Variants in KCNQ1 observed in about 807,000 individuals in gnomAD.
The protein encoded by KCNQ1 is potassium voltage-gated channel subfamily KQT member 1.
Under a neutral mutation model 72.4 loss-of-function variants are expected in KCNQ1, and 49 were observed. That is an observed-to-expected ratio of 0.68 (90% CI 0.54 to 0.86). The LOEUF (loss-of-function observed/expected upper bound fraction) is 0.86. KCNQ1 is among the 40% of genes least tolerant of loss of function. The pLI, the probability that KCNQ1 is intolerant of heterozygous loss-of-function variation, is 0.00. For synonymous variants in KCNQ1, 450 were observed against 412.6 expected, an observed-to-expected ratio of 1.09 and a Z score of -1.10; for missense variants, 790 against 945.1, an observed-to-expected ratio of 0.84 and a Z score of 2.15.
At chr11:2,634,005 T>A (rs1244210884) in intron 10 of KCNQ1, 2 of 398,550 alleles carry the variant, frequency 5.0e-6, no homozygotes. Flanking sequence ...TGTATTTTGA[T>A]GTCAGGCAGT....
At chr11:2,610,716 C>CTTTTTTTTTTTTTTTTTTT (rs1167505141) in intron 10 of KCNQ1, 13 of 230,182 alleles carry the variant, frequency 5.6e-5, no homozygotes, top group African/African-American at 1.9e-4. Context: ...TCTTGGTTGG[C>CTTTTTTTTTTTTTTTTTTT]TTTTTTTTTT....
chr11:2,571,335 G>A lies in KCNQ1; in HGVS notation c.615G>A (p.Val205=), dbSNP rs1365907442. The A allele has an allele frequency of 6.2e-7, 1 of 1,613,160 alleles. No homozygotes were observed. The highest frequency in any genetic ancestry group is 8.5e-7 in the Non-Finnish European group (1 of 1,179,936). Residue 205 remains valine, a synonymous_variant, in exon 4 of 16, where the codon GTG becomes GTA. Transcript: ENST00000155840. The stretch of plus-strand genomic sequence containing the variant: ...TCCTGCACTCCACAGACCTCATCGT[G>A]GTCGTGGCCTCCATGGTGGTCCTCT... ...RKPISIIDLI[V]VVASMVVLCV... is the part of the protein sequence containing the mutation.
rs1847726735 is a variant in KCNQ1, at chr11:2,536,063, A to C, written c.477+8045A>C. On this transcript the variant is annotated intron_variant, in intron 2 of 15. Coordinates refer to ENST00000155840, the MANE Select transcript of KCNQ1 (RefSeq NM_000218.3). This position sits in a 1 kb window ranked among gnomAD's most constrained non-coding sequence, Gnocchi z 7.4. ...GCCTCACTGGCCACATGCTCTGCCG[A>C]GCACACCCGCTGCTGTCCCCAGCCA... 6.6e-6 allele frequency among the ~76,000 whole-genome samples: 1 copy of C among 152,092 alleles called. No individual in the cohort carries two copies. Among genetic ancestry groups the C allele is most frequent in the African/African-American group, 2.4e-5 (1 of 41,428 alleles).
At chr11:2,629,018 A>G (rs560868633) in intron 10 of KCNQ1, 1 of 398,292 alleles carries the variant, frequency 2.5e-6, no homozygotes, top group Admixed American at 4.4e-5. Context: ...CAAAATAAGC[A>G]TGTGTAATAT....
At chr11:2,702,330 C>G (rs1850829502) in intron 11 of KCNQ1, among the ~76,000 whole-genome samples, 1 of 152,236 alleles carries the variant, frequency 6.6e-6, no homozygotes, top group African/African-American at 2.4e-5. Context: ...CTCCTTCAGT[C>G]CTCGCTCTTG....
chr11:2,770,216 T>C (rs775189074), intron 12 of KCNQ1, among the ~76,000 whole-genome samples: 1 of 152,018 alleles, frequency 6.6e-6, no homozygotes, highest in Non-Finnish European at 1.5e-5. Flanking sequence ...CCCCCACCCA[T>C]CTGGGCCCTG....
intron 10 of KCNQ1, among the ~76,000 whole-genome samples, chr11:2,589,935 G>C (rs1848649534): frequency 6.6e-6 from 1 of 152,160 alleles, no homozygotes; most frequent in South Asian, 2.1e-4. Context: ...TGAGGGGCTG[G>C]AGACCTCCTG....
chr11:2,636,453 T>C (rs1412108781), intron 10 of KCNQ1: 5 of 152,214 alleles, frequency 3.3e-5, no homozygotes, highest in Non-Finnish European at 5.9e-5. Context: ...CATGTGGTTT[T>C]TGTCTTTGGT....
chr11:2,527,833 G>C, intron 1 of KCNQ1, 95 bp from the exon 2 acceptor site: 1 of 1,011,436 alleles, frequency 9.9e-7, no homozygotes, highest in Non-Finnish European at 1.6e-6. Context: ...TCCTACCTGG[G>C]GGCGGGGCTG....
At chr11:2,476,374 T>C (rs1170641019) in intron 1 of KCNQ1, among the ~76,000 whole-genome samples, 3 of 152,330 alleles carry the variant, frequency 2.0e-5, no homozygotes, top group Non-Finnish European at 2.9e-5. Context: ...TACTGTGTAA[T>C]AGATCTGAAC....
At chr11:2,697,085 T>A (rs1472329344) in intron 11 of KCNQ1, 1 of 398,488 alleles carries the variant, frequency 2.5e-6, no homozygotes, top group African/African-American at 2.1e-5. Flanking sequence ...CTCGACATTA[T>A]TTGCCTTTTC....
At chr11:2,754,730 C>G (rs1286307074) in intron 11 of KCNQ1, among the ~76,000 whole-genome samples, 1 of 152,176 alleles carries the variant, frequency 6.6e-6, no homozygotes, top group African/African-American at 2.4e-5. Flanking sequence ...ATGTTAAAAG[C>G]AAACCTTAAA....
chr11:2,646,552 G>T, intron 10 of KCNQ1: 1 of 398,602 alleles, frequency 2.5e-6, no homozygotes, highest in Non-Finnish European at 4.4e-6. Flanking sequence ...TGCAGACAGG[G>T]TCTCACTCTG....
At chr11:2,705,638 C>T (rs1469933038) in intron 11 of KCNQ1, among the ~76,000 whole-genome samples, 1 of 152,212 alleles carries the variant, frequency 6.6e-6, no homozygotes, top group East Asian at 1.9e-4. Context: ...ACAGCTGCCC[C>T]CCAGCCAAGA....
In KCNQ1 at chr11:2,766,618, C is replaced by T. The variant is rs931384706; in HGVS notation, c.1515-2226C>T. ...AATTAATCACAGTCTGCCCTCTGGC[C>T]ATAACTTTTCGCATTCTCCCCTATG... On this transcript the variant is annotated intron_variant, in intron 11 of 15. Transcript: ENST00000155840. This position sits in a 1 kb window ranked among gnomAD's most constrained non-coding sequence, Gnocchi z 4.4. 6.6e-6 allele frequency among the ~76,000 whole-genome samples: 1 copy of T among 152,132 alleles called. No homozygotes were observed. Among genetic ancestry groups the T allele is most frequent in the African/African-American group, 2.4e-5 (1 of 41,426 alleles).
rs555518358 is a variant in KCNQ1, at chr11:2,775,956, G to T, written c.1591-4G>T. On this transcript the variant is annotated splice_polypyrimidine_tract_variant and splice_region_variant and intron_variant, in intron 12 of 15. Coordinates refer to ENST00000155840, the MANE Select transcript of KCNQ1 (RefSeq NM_000218.3). ...GAAGTGATGCGTGTCTTTTTGTCCC[G>T]CAGCAAGCGCGGAAGCCTTACGATG... is the stretch of plus-strand genomic sequence containing the variant. 5 of 1,554,846 alleles carry T rather than the reference G, an allele frequency of 3.2e-6. No homozygotes were observed. Among genetic ancestry groups the T allele is most frequent in the Non-Finnish European group, 3.5e-6 (4 of 1,148,792 alleles).
At position 2,787,811 on chromosome 11, in the gene KCNQ1, A is replaced by G. The variant is rs1362535502; in HGVS notation, c.1794+9774A>G. Among the ~76,000 whole-genome samples the G allele has an allele frequency of 2.6e-5, 4 of 152,228 alleles. No homozygotes were observed. The highest frequency in any genetic ancestry group is 9.6e-5 in the African/African-American group (4 of 41,452). On this transcript the variant is annotated intron_variant, in intron 15 of 15. Transcript: ENST00000155840. This position sits in a 1 kb window ranked among gnomAD's most constrained non-coding sequence, Gnocchi z 6.3. The stretch of plus-strand genomic sequence containing the variant: ...TTGAAAAAGGAGATTCCCATGCCTA[A>G]GTCATTTCAAACATACTGAAGGGTT...
At position 2,711,023 on chromosome 11, in the gene KCNQ1, G is replaced by T. The variant is rs1005160994; in HGVS notation, c.1514+48942G>T. On this transcript the variant is annotated intron_variant, in intron 11 of 15. Transcript: ENST00000155840. The surrounding 1 kb of genome is among the most constrained non-coding windows in gnomAD (Gnocchi z 5.4). The stretch of plus-strand genomic sequence containing the variant: ...CAATTTCTGCAAAGAAACCATCTGG[G>T]ATACCAATAGGGATTGCATTGAATC... 2.6e-5 allele frequency among the ~76,000 whole-genome samples: 4 copies of T among 152,298 alleles called. No homozygotes were observed. The highest frequency in any genetic ancestry group is 9.6e-5 in the African/African-American group (4 of 41,566).
In KCNQ1 at chr11:2,491,310, T is replaced by C. The variant is rs1409625801; in HGVS notation, c.387-36618T>C. On this transcript the variant is annotated intron_variant, in intron 1 of 15. Transcript: ENST00000155840. The surrounding 1 kb of genome is among the most constrained non-coding windows in gnomAD (Gnocchi z 4.1). ...TATGTGACCTTTCAGAGAGAGAATT[T>C]AAAATAGCTGTTATGAGAAAACTCA... Among the ~76,000 whole-genome samples the C allele has an allele frequency of 3.3e-5, 5 of 152,194 alleles. No homozygotes were observed. Among genetic ancestry groups the C allele is most frequent in the Non-Finnish European group, 7.3e-5 (5 of 68,036 alleles).
Sources: allele counts gnomAD v4.1 joint callset (sites outside exome capture counted in the v4.1 genomes callset), GRCh38; gene constraint gnomAD v4.1.1; non-coding constraint Gnocchi (gnomAD v3.1); transcripts MANE v1.5; gene names NCBI Gene and HGNC (gene_info 2026-07-23, HGNC 2026-07-21).